The following CTNND2 variants were observed in gnomAD, a reference collection of about 807,000 sequenced individuals.
CTNND2 encodes the protein catenin delta-2.
CTNND2 carries 22 observed loss-of-function variants against 144.4 expected under a neutral mutation model. The observed-to-expected ratio is 0.15, with a 90% CI of 0.11 to 0.22. The LOEUF (loss-of-function observed/expected upper bound fraction) is 0.22, where lower values mean the gene tolerates loss of function less well. Among genes scored for constraint, CTNND2 ranks in the 10% least tolerant of loss-of-function variants. The probability of loss-of-function intolerance (pLI) is 1.00; values close to 1 mark genes in which losing one functional copy is unlikely to be tolerated. For missense variants in CTNND2, 1,353 were observed against 1,618.8 expected, an observed-to-expected ratio of 0.84 and a Z score of 2.82; for synonymous variants, 751 against 695.6, an observed-to-expected ratio of 1.08 and a Z score of -1.25.
chr5:11,651,263 C>G (rs1250906013), intron 2 of CTNND2, among the ~76,000 whole-genome samples: 1 of 152,192 alleles, frequency 6.6e-6, no homozygotes, highest in Non-Finnish European at 1.5e-5. Flanking sequence ...GGTTGCAAAA[C>G]AGAAGCCATG....
chr5:11,437,619 T>A (rs149754813), intron 3 of CTNND2, among the ~76,000 whole-genome samples: 1 of 151,684 alleles, frequency 6.6e-6, no homozygotes, highest in Non-Finnish European at 1.5e-5. Context: ...GAAAGAGCAT[T>A]TGGGGTTGAA....
chr5:10,984,039 G>T (rs972011458), intron 20 of CTNND2, among the ~76,000 whole-genome samples: 1 of 152,026 alleles, frequency 6.6e-6, no homozygotes, highest in Admixed American at 6.5e-5. Flanking sequence ...CTCCTCCCAC[G>T]TCAAGTGAAG....
At chr5:11,631,723 G>A (rs1291226801) in intron 2 of CTNND2, among the ~76,000 whole-genome samples, 1 of 152,172 alleles carries the variant, frequency 6.6e-6, no homozygotes, top group African/African-American at 2.4e-5. Context: ...CAGGCCCTAT[G>A]TATGGTGGAA....
chr5:11,078,917 T>C (rs1423223472), intron 16 of CTNND2, among the ~76,000 whole-genome samples: 1 of 152,234 alleles, frequency 6.6e-6, no homozygotes, highest in African/African-American at 2.4e-5. Flanking sequence ...GCAAGCTTAT[T>C]TCCCGCTGTA....
At chr5:11,455,671 A>G (rs768470355) in intron 3 of CTNND2, among the ~76,000 whole-genome samples, 1 of 152,214 alleles carries the variant, frequency 6.6e-6, no homozygotes, top group Non-Finnish European at 1.5e-5. Flanking sequence ...GTTTAAAATC[A>G]ATCATTTTGT....
chr5:11,705,865 A>AC (rs1346699094), intron 2 of CTNND2, among the ~76,000 whole-genome samples: 2 of 152,170 alleles, frequency 1.3e-5, no homozygotes, highest in Non-Finnish European at 2.9e-5. Flanking sequence ...GGGATGTCAT[A>AC]CCTATGATTA....
At chr5:11,135,048 G>A (rs1003336144) in intron 12 of CTNND2, among the ~76,000 whole-genome samples, 3 of 152,182 alleles carry the variant, frequency 2.0e-5, no homozygotes, top group Admixed American at 2.0e-4. Flanking sequence ...ATCTTTTACA[G>A]TACATGTGTC....
chr5:11,695,034 G>T (rs1328404447), intron 2 of CTNND2, among the ~76,000 whole-genome samples: 2 of 152,050 alleles, frequency 1.3e-5, no homozygotes, highest in Non-Finnish European at 2.9e-5. Flanking sequence ...TGTTGTTAGG[G>T]TTATCGAACA....
At chr5:11,066,448 C>A (rs1259766711) in intron 16 of CTNND2, among the ~76,000 whole-genome samples, 1 of 152,138 alleles carries the variant, frequency 6.6e-6, no homozygotes, top group Non-Finnish European at 1.5e-5. Context: ...CTACAGCCCC[C>A]CTCACTCCCT....
At chr5:11,125,743 A>C (rs567075949) in intron 12 of CTNND2, among the ~76,000 whole-genome samples, 4 of 152,378 alleles carry the variant, frequency 2.6e-5, no homozygotes, top group African/African-American at 9.6e-5. Flanking sequence ...TCAAAAACTA[A>C]TGTAAAAATA....
At chr5:11,609,047 T>G (rs926016215) in intron 2 of CTNND2, among the ~76,000 whole-genome samples, 1 of 152,148 alleles carries the variant, frequency 6.6e-6, no homozygotes, top group Non-Finnish European at 1.5e-5. Flanking sequence ...CCTCTACTAG[T>G]CCTGTGAATC....
chr5:11,360,893 T>C (rs1490401225), intron 8 of CTNND2, among the ~76,000 whole-genome samples: 1 of 152,206 alleles, frequency 6.6e-6, no homozygotes, highest in Non-Finnish European at 1.5e-5. Context: ...TAACAGGATA[T>C]AGAAGACCAT....
At chr5:11,720,319 A>T (rs559547760) in intron 2 of CTNND2, among the ~76,000 whole-genome samples, 1 of 152,318 alleles carries the variant, frequency 6.6e-6, no homozygotes, top group South Asian at 2.1e-4. Context: ...CCTTCCAAAT[A>T]TATGGGGGGC....
Position 10,988,017 on chromosome 5 carries a change from GCAGC to G in CTNND2, c.3343+90_3343+93del, listed in dbSNP as rs1404191237. The stretch of plus-strand genomic sequence containing the variant: ...GCTAAGTCCTGCTCAGCAGCCAAGC[GCAGC>G]CAGCCCCGTGAAGCCTGATGTCCCA... On this transcript the variant is annotated intron_variant, in intron 20 of 21. Transcript: ENST00000304623. The surrounding 1 kb of genome is among the most constrained non-coding windows in gnomAD (Gnocchi z 5.9). The G allele has an allele frequency of 6.5e-7, 1 of 1,528,612 alleles. No individual in the cohort carries two copies. The highest frequency in any genetic ancestry group is 2.3e-5 in the East Asian group (1 of 44,182). The allele number at this position is 1,528,612 out of a possible 1,614,324, so 94.7% of individuals were successfully genotyped here. A position where few individuals can be genotyped will look rare whatever the true frequency, so the allele number is the denominator to read the frequency against.
chr5:11,860,693 A>G (rs1795459539), intron 1 of CTNND2, among the ~76,000 whole-genome samples: 1 of 152,236 alleles, frequency 6.6e-6, no homozygotes, highest in African/African-American at 2.4e-5. Context: ...TTAGGTACCA[A>G]TTAGAACTTT....
chr5:11,093,400 A>G (rs1750989481), intron 15 of CTNND2, among the ~76,000 whole-genome samples: 1 of 152,242 alleles, frequency 6.6e-6, no homozygotes, highest in Non-Finnish European at 1.5e-5. Context: ...AGAAAAAGGT[A>G]ACTGAAGTCC....
intron 11 of CTNND2, among the ~76,000 whole-genome samples, chr5:11,183,488 C>A (rs1180346003): frequency 6.6e-6 from 1 of 151,664 alleles, no homozygotes; most frequent in African/African-American, 2.4e-5. Flanking sequence ...CTCCAGCTAG[C>A]GGGTACAGAT....
chr5:11,834,696 T>C lies in CTNND2; in HGVS notation c.37+69121A>G, dbSNP rs115537987. ...TGTGAATATACCTTTTATTACATCATAGAATAATAAATTCTGACTCCTACA... is the reference window on the plus strand; with the variant it reads ...TGTGAATATACCTTTTATTACATCACAGAATAATAAATTCTGACTCCTACA... On this transcript the variant is annotated intron_variant, in intron 1 of 21. Coordinates refer to ENST00000304623, the MANE Select transcript of CTNND2 (RefSeq NM_001332.4). Among the ~76,000 whole-genome samples the C allele has an allele frequency of 7.7e-3, 1,180 of 152,346 alleles. 12 individuals are homozygous for C. The highest frequency in any genetic ancestry group is 0.026 in the African/African-American group (1,100 of 41,578).
chr5:11,666,253 G>C (rs1368934021), intron 2 of CTNND2, among the ~76,000 whole-genome samples: 2 of 152,162 alleles, frequency 1.3e-5, no homozygotes, highest in Non-Finnish European at 2.9e-5. Context: ...TCATAGGATT[G>C]TCTAAGCTAT....
Sources: gnomAD v4.1 joint callset for allele counts (sites outside exome capture counted in the v4.1 genomes callset) on GRCh38, gnomAD v4.1.1 for gene constraint, Gnocchi (gnomAD v3.1) non-coding constraint, MANE v1.5 for transcripts, NCBI Gene and HGNC (gene_info 2026-07-23, HGNC 2026-07-21) for gene names.